Variants in LACTBL1 observed in about 807,000 individuals in gnomAD.
The protein encoded by LACTBL1 is beta-lactamase-like protein 1.
Under a neutral mutation model 39.6 loss-of-function variants are expected in LACTBL1, and 29 were observed. The ratio of observed to expected loss-of-function variants is 0.73; its 90% confidence interval spans 0.55 to 1.00. The LOEUF is 1.00. LACTBL1 is among the 50% of genes least tolerant of loss of function. LACTBL1 has a pLI of 0.00. For missense variants in LACTBL1, 711 were observed against 748.5 expected, an observed-to-expected ratio of 0.95 and a Z score of 0.59; for synonymous variants, 361 against 360.7, an observed-to-expected ratio of 1.00 and a Z score of -0.01.
At chr1:22,967,312 TGAGCCAA>T (rs1341445738), upstream of LACTBL1, among the ~76,000 whole-genome samples, 1 of 152,026 alleles carries the variant, frequency 6.6e-6, no homozygotes, top group African/African-American at 2.4e-5. Flanking sequence ...GAGGTTGCTG[TGAGCCAA>T]GATCACACCA....
exon 4 of LACTBL1, chr1:22,958,809 G>T: frequency 6.4e-7 from 1 of 1,550,672 alleles, no homozygotes; most frequent in African/African-American, 1.4e-5. Flanking sequence ...GGTTGTTAAT[G>T]GTGAAGGTGC....
intron 4 of LACTBL1, among the ~76,000 whole-genome samples, chr1:22,957,997 C>G (rs750852316): frequency 3.3e-5 from 5 of 152,100 alleles, no homozygotes; most frequent in Non-Finnish European, 7.4e-5. Flanking sequence ...AATTCTGTTC[C>G]TCTCCTTTAC....
chr1:22,953,787 G>C lies in LACTBL1; in HGVS notation c.897C>G (p.Tyr299Ter). The C allele has an allele frequency of 6.5e-7, 1 of 1,537,620 alleles. No homozygotes were observed. Among genetic ancestry groups the C allele is most frequent in the Non-Finnish European group, 8.8e-7 (1 of 1,140,488 alleles). The stretch of plus-strand genomic sequence containing the variant: ...GCTTGGCCAGGTCGGCGGCGGTAGA[G>C]TACATCTGGCCCGACGGCCGGTACC... The change falls in exon 6 of 6, where the codon TAC becomes TAG. Residue 299 changes from tyrosine (Y) to a stop codon, truncating the protein, a stop_gained. Transcript: ENST00000426928. LOFTEE classifies it high-confidence loss of function.
the LACTBL1 span, chr1:22,972,231 A>G: frequency 1.1e-6 from 1 of 916,152 alleles, no homozygotes; most frequent in Non-Finnish European, 1.3e-6. Context: ...ATTTGAAGCC[A>G]GAAGGACGGT....
rs530218736 is a variant in LACTBL1 at position 22,959,587 on chromosome 1, A to G, written c.317+355T>C. On this transcript the variant is annotated intron_variant, in intron 3 of 5. Coordinates refer to ENST00000426928, the Ensembl canonical transcript of LACTBL1. ...ATCTGGGCCACTGCTGCCACTTGAC[A>G]GGGACCTGGGGCAAGGACCTAGGAA... Among the ~76,000 whole-genome samples, 3 of 152,358 alleles carry G rather than the reference A, an allele frequency of 2.0e-5. No homozygotes were observed. In the South Asian group the frequency reaches 6.2e-4, roughly 32 times the overall value.
At chr1:22,965,571 C>T, upstream of LACTBL1, 1 of 240,402 alleles carries the variant, frequency 4.2e-6, no homozygotes, top group Non-Finnish European at 6.7e-6. Context: ...AGTTGTGAAA[C>T]CAATGCCCTT....
intron 4 of LACTBL1, among the ~76,000 whole-genome samples, chr1:22,956,091 G>A (rs1640758908): frequency 1.4e-5 from 2 of 145,484 alleles, no homozygotes; most frequent in Admixed American, 1.4e-4. Flanking sequence ...AAAGAGTTTG[G>A]TCCAGGTGTG....
At chr1:22,968,534 T>C (rs557855749), upstream of LACTBL1, among the ~76,000 whole-genome samples, 1 of 152,380 alleles carries the variant, frequency 6.6e-6, no homozygotes, top group East Asian at 1.9e-4. Context: ...AGTTGGACTG[T>C]TCTCCCTTGC....
intron 1 of LACTBL1, 58 bp from the exon 4 acceptor site, chr1:22,963,274 G>T: frequency 2.0e-6 from 2 of 1,017,402 alleles, no homozygotes; most frequent in South Asian, 2.8e-5. Flanking sequence ...AATCTAGGGG[G>T]AAAGTGGCAG....
chr1:22,969,686 G>C (rs545658741), upstream of LACTBL1, among the ~76,000 whole-genome samples: 80 of 147,424 alleles, frequency 5.4e-4, no homozygotes, highest in African/African-American at 1.8e-3. Flanking sequence ...GCCATTCCTT[G>C]GGGCTGTGGT....
Position 22,953,839 on chromosome 1 carries a change from C to T in LACTBL1, c.845G>A (p.Arg282Gln), listed in dbSNP as rs1280809966. The T allele has an allele frequency of 2.6e-6, 4 of 1,547,978 alleles. No individual in the cohort carries two copies. The African/African-American group carries it at 5.5e-5, about 21-fold the overall frequency. Residue 282 changes from arginine to glutamine, a missense_variant, in exon 6 of 6, where the codon CGG (arginine) becomes CAG (glutamine). Coordinates refer to ENST00000426928, the Ensembl canonical transcript of LACTBL1. ...GCCCAGGTCATAGAGTGGCGCCGGC[C>T]GCCCGCTGCCGTAGAAGCCCGCGGC...
chr1:22,963,298 A>G, intron 1 of LACTBL1, 82 bp from the exon 4 acceptor site: 4 of 759,962 alleles, frequency 5.3e-6, no homozygotes, highest in Non-Finnish European at 7.6e-6. Context: ...AGGCCAGAGC[A>G]GTGCCTCAAG....
intron 1 of LACTBL1, among the ~76,000 whole-genome samples, chr1:22,963,983 C>T (rs1389193103): frequency 6.6e-6 from 1 of 152,116 alleles, no homozygotes; most frequent in African/African-American, 2.4e-5. Flanking sequence ...TACAATGGTG[C>T]GATCTCAGCT....
intron 1 of LACTBL1, 139 bp downstream of exon 3, chr1:22,965,151 G>T: frequency 1.5e-6 from 1 of 649,224 alleles, no homozygotes; most frequent in Non-Finnish European, 2.2e-6. Flanking sequence ...AGTGAGAGCT[G>T]GACTCAGAAT....
chr1:22,956,458 T>C (rs993219976), intron 4 of LACTBL1, among the ~76,000 whole-genome samples: 5 of 152,156 alleles, frequency 3.3e-5, no homozygotes, highest in Admixed American at 1.3e-4. Flanking sequence ...ATCCATTGAC[T>C]GAGACTCAGG....
upstream of LACTBL1, chr1:22,965,441 CATAAGGTACA>C: frequency 8.0e-7 from 1 of 1,243,386 alleles, no homozygotes; most frequent in Non-Finnish European, 1.0e-6. Context: ...AGAGCAAGGA[CATAAGGTACA>C]GTCCCCTTGG....
At chr1:22,953,425 G>C (rs1310631387) in exon 6 of LACTBL1, 1 of 1,227,578 alleles carries the variant, frequency 8.1e-7, no homozygotes. Flanking sequence ...CGGCGGAGCC[G>C]GGCCGGGCTC....
At chr1:22,965,176 C>T in intron 1 of LACTBL1, 114 bp downstream of exon 3, 1 of 946,054 alleles carries the variant, frequency 1.1e-6, no homozygotes, top group South Asian at 5.1e-5. Flanking sequence ...TCCAGAGCTT[C>T]TGAGTCTAAA....
At chr1:22,961,742 T>C (rs56183133) in intron 2 of LACTBL1, among the ~76,000 whole-genome samples, 11,593 of 151,934 alleles carry the variant, frequency 0.076, 861 homozygotes, top group Admixed American at 0.18. Context: ...CACCTCCACT[T>C]CCCATCCCTG....
Sources: gnomAD v4.1 joint callset for allele counts (sites outside exome capture counted in the v4.1 genomes callset) on GRCh38, gnomAD v4.1.1 for gene constraint, MANE v1.5 for transcripts, NCBI Gene and HGNC (gene_info 2026-07-23, HGNC 2026-07-21) for gene names.